The following IFT172 variants were observed in gnomAD, a reference collection of about 807,000 sequenced individuals.
IFT172 encodes intraflagellar transport 172, also known as intraflagellar transport protein 172 homolog.
A neutral mutation model predicts 248.9 loss-of-function variants in IFT172; 164 were observed. The observed-to-expected ratio is 0.66, with a 90% CI of 0.58 to 0.75. IFT172 has a LOEUF of 0.75. Among genes scored for constraint, IFT172 ranks in the 30% least tolerant of loss-of-function variants. The pLI is 0.00. For synonymous variants in IFT172, 729 were observed against 791.6 expected (o/e 0.92, Z 1.33); for missense variants, 1,950 against 2,192.4 (o/e 0.89, Z 2.21).
intron 35 of IFT172, among the ~76,000 whole-genome samples, chr2:27,452,345 C>T (rs1558361849): frequency 1.3e-5 from 2 of 152,142 alleles, no homozygotes; most frequent in Admixed American, 6.5e-5. Flanking sequence ...ACAAGAACTA[C>T]ACCATCAGTT....
rs1423472761 is a variant in IFT172, at chr2:27,445,855, T to C, written c.4816-12A>G. 1.2e-6 allele frequency: 2 copies of C among 1,613,862 alleles called. No homozygotes were observed. Among genetic ancestry groups the C allele is most frequent in the East Asian group, 2.2e-5 (1 of 44,868 alleles). On this transcript the variant is annotated splice_polypyrimidine_tract_variant and intron_variant, in intron 44 of 47. Transcript: ENST00000260570. The surrounding 1 kb of genome is among the most constrained non-coding windows in gnomAD (Gnocchi z 4.4). Reference sequence around the variant, plus strand: ...CCTTCCTCGATTGCCTGCAGTAGAGTGGGCAACCATGAACTAGGCACAGCT... The same window carrying C: ...CCTTCCTCGATTGCCTGCAGTAGAGCGGGCAACCATGAACTAGGCACAGCT...
intron 16 of IFT172, among the ~76,000 whole-genome samples, chr2:27,469,183 C>G (rs1422073733): frequency 2.0e-5 from 3 of 151,996 alleles, no homozygotes; most frequent in East Asian, 3.9e-4. Flanking sequence ...CACTTGAGGT[C>G]AAGAGTTCGA....
In IFT172 at chr2:27,461,696, A is replaced by C. The variant is rs1666685263; in HGVS notation, c.2193+63T>G. ...TGGTTTCTATGGCCTCCTTGACAAA[A>C]GGAGGTTTTTGAAATTGGCAGAACC... On this transcript the variant is annotated intron_variant, in intron 21 of 47. Transcript: ENST00000260570. The C allele has an allele frequency of 3.1e-6, 5 of 1,604,212 alleles. No individual in the cohort carries two copies. In the East Asian group the frequency reaches 6.7e-5, roughly 21 times the overall value.
Position 27,447,977 on chromosome 2 carries a change from C to CT in IFT172, c.4429-56_4429-55insA, listed in dbSNP as rs1313171738. The CT allele has an allele frequency of 2.6e-5, 29 of 1,122,090 alleles. No individual in the cohort carries two copies. In the East Asian group the frequency reaches 6.6e-4, roughly 25 times the overall value. The allele number at this position is 1,122,090 out of a possible 1,614,324, so 69.5% of individuals were successfully genotyped here. A position where few individuals can be genotyped will look rare whatever the true frequency, so the allele number is the denominator to read the frequency against. On this transcript the variant is annotated intron_variant, in intron 40 of 47. Transcript: ENST00000260570. ...GAAGGGCATAGCTAGAAGAGAAAGT[C>CT]ACTGGAAGTGGGGCCAAAGGGAGGA...
intron 43 of IFT172, 89 bp downstream of exon 43, chr2:27,446,171 A>G (rs1461692351): frequency 1.4e-6 from 2 of 1,399,656 alleles, no homozygotes; most frequent in East Asian, 2.3e-5. Context: ...CCCTACACTC[A>G]GCTTTCCTCT....
At position 27,477,614 on chromosome 2, in the gene IFT172, T is replaced by C; in HGVS notation, c.1168-2A>G. 1 of 1,603,094 alleles carries C rather than the reference T, an allele frequency of 6.2e-7. No individual in the cohort carries two copies. The highest frequency in any genetic ancestry group is 1.3e-5 in the African/African-American group (1 of 74,844). On this transcript the variant is annotated splice_acceptor_variant, in intron 11 of 47. Transcript: ENST00000260570. LOFTEE classifies it high-confidence loss of function. ...GCCACCAGATCCTTGCCAGGCTATC[T>C]GTAACGGGAGAAGACTTAAGAAGCA...
chr2:27,461,818 T>A lies in IFT172; in HGVS notation c.2134A>T (p.Met712Leu). 3 of 1,614,152 alleles carry A rather than the reference T, an allele frequency of 1.9e-6. No homozygotes were observed. The highest frequency in any genetic ancestry group is 2.5e-6 in the Non-Finnish European group (3 of 1,180,032). Reference protein sequence around the residue: ...FLEQNAVEEAMGMYQELHRWD... With the variant: ...FLEQNAVEEALGMYQELHRWD... ...CGGTGTAGCTCCTGGTACATGCCCA[T>A]GGCCTCCTCCACAGCATTCTAGGGG... The change falls in exon 21 of 48, where the codon ATG becomes TTG. Residue 712 changes from methionine to leucine, a missense_variant. By Grantham distance (15) the Met-to-Leu change is conservative. This residue lies in a region of IFT172 where 1,166 missense variants were observed against 1,254.1 expected (regional missense o/e 0.93). Coordinates refer to ENST00000260570, the MANE Select transcript of IFT172 (RefSeq NM_015662.3).
At chr2:27,455,927 A>G in intron 30 of IFT172, 1 of 274,578 alleles carries the variant, frequency 3.6e-6, no homozygotes, top group South Asian at 3.4e-5. Flanking sequence ...AAAAAAGAAA[A>G]GTTCGGCCAG....
In IFT172 at chr2:27,485,517, G is replaced by A. The variant is rs1482266440; in HGVS notation, c.40-14C>T. On this transcript the variant is annotated splice_polypyrimidine_tract_variant and intron_variant, in intron 1 of 47. Transcript: ENST00000260570. ...TGCAGCTCCATCCTGTAGAGGCAAA[G>A]GGGTAAAAACAAACCCATGTGCTGG... The A allele has an allele frequency of 3.1e-6, 5 of 1,613,878 alleles. No individual in the cohort carries two copies. Among genetic ancestry groups the A allele is most frequent in the African/African-American group, 1.3e-5 (1 of 75,022 alleles).
At chr2:27,459,282 G>A in intron 25 of IFT172, 96 bp downstream of exon 25, 1 of 1,455,860 alleles carries the variant, frequency 6.9e-7, no homozygotes, top group Admixed American at 2.1e-5. Flanking sequence ...CCAGAAAGAA[G>A]GATCTGGTGA....
Position 27,478,115 on chromosome 2 carries a change from G to A in IFT172, c.1047C>T (p.Leu349=), listed in dbSNP as rs771704362. The change falls in exon 11 of 48, where the codon CTC becomes CTT. Residue 349 remains leucine, a synonymous_variant. Coordinates refer to ENST00000260570, the MANE Select transcript of IFT172 (RefSeq NM_015662.3). ...CCACCTCATAGCCATAGTGTGACTT[G>A]AGCACCACTCGGGTTCCTGATGACA... ...KNLSSGTRVV[L]KSHYGYEVEE... 1.1e-5 allele frequency: 18 copies of A among 1,614,062 alleles called. No homozygotes were observed. In the South Asian group the frequency reaches 1.6e-4, roughly 15 times the overall value.
At chr2:27,459,235 T>C in intron 25 of IFT172, 143 bp downstream of exon 25, 1 of 1,040,354 alleles carries the variant, frequency 9.6e-7, no homozygotes. Flanking sequence ...AAGTAAACTG[T>C]TCTCTTCCCC....
chr2:27,483,207 G>C (rs1186739984), intron 7 of IFT172, 82 bp downstream of exon 7: 2 of 813,866 alleles, frequency 2.5e-6, no homozygotes, highest in African/African-American at 3.4e-5. Context: ...GGTAGAGACA[G>C]GGTTTCACTG....
At chr2:27,485,664 G>C (rs1558418916) in intron 1 of IFT172, among the ~76,000 whole-genome samples, 161 bp from the exon 2 acceptor site, 1 of 152,156 alleles carries the variant, frequency 6.6e-6, no homozygotes, top group Non-Finnish European at 1.5e-5. Context: ...GGTCTCCAAG[G>C]CCTTCAGATC....
At chr2:27,464,979 T>TG (rs2148514403) in intron 18 of IFT172, among the ~76,000 whole-genome samples, 2 of 150,436 alleles carry the variant, frequency 1.3e-5, no homozygotes, top group South Asian at 4.2e-4. Context: ...TGGAGTACAG[T>TG]GGTGCAATCT....
At position 27,467,418 on chromosome 2, in the gene IFT172, G is replaced by GAAA. The variant is rs34115935; in HGVS notation, c.1693-1539_1693-1537dup. 5.9e-3 allele frequency among the ~76,000 whole-genome samples: 97 copies of GAAA among 16,422 alleles called. 1 individual carries two copies. The highest frequency in any genetic ancestry group is 9.5e-3 in the East Asian group (4 of 420). The allele number at this position is 16,422 out of a possible 152,430, so 10.8% of individuals were successfully genotyped here. On this transcript the variant is annotated intron_variant, in intron 16 of 47. Coordinates refer to ENST00000260570, the MANE Select transcript of IFT172 (RefSeq NM_015662.3). The stretch of plus-strand genomic sequence containing the variant: ...TGAGAACTTGTCTTTACAGAAAATT[G>GAAA]AAAAAAAAAAAAAAAAAAAAAAAAA...
Position 27,454,258 on chromosome 2 carries a change from A to G in IFT172, c.3530+96T>C, listed in dbSNP as rs1665971639. ...CATGTCACTGAGGGGTGTAACACTG[A>G]TTTGTTCTAGGTTTGAATGAAGGTC... is the stretch of plus-strand genomic sequence containing the variant. On this transcript the variant is annotated intron_variant, in intron 32 of 47. Coordinates refer to ENST00000260570, the MANE Select transcript of IFT172 (RefSeq NM_015662.3). This position sits in a 1 kb window ranked among gnomAD's most constrained non-coding sequence, Gnocchi z 4.2. 1.2e-6 allele frequency: 2 copies of G among 1,603,368 alleles called. No homozygotes were observed. The highest frequency in any genetic ancestry group is 1.7e-5 in the Admixed American group (1 of 59,936).
intron 9 of IFT172, 35 bp downstream of exon 9, chr2:27,479,991 G>C: frequency 1.3e-6 from 2 of 1,598,180 alleles, no homozygotes; most frequent in Non-Finnish European, 1.7e-6. Context: ...TTTGGTGAAA[G>C]TCACCAATCC....
chr2:27,472,875 T>C (rs1667675207), intron 14 of IFT172, among the ~76,000 whole-genome samples: 1 of 152,150 alleles, frequency 6.6e-6, no homozygotes, highest in Admixed American at 6.5e-5. Flanking sequence ...AACTATCACA[T>C]TTAGAGCAGA....
Sources: allele counts gnomAD v4.1 joint callset (sites outside exome capture counted in the v4.1 genomes callset), GRCh38; gene constraint gnomAD v4.1.1; regional missense constraint gnomAD v4.1.1; non-coding constraint Gnocchi (gnomAD v3.1); transcripts MANE v1.5; gene names NCBI Gene and HGNC (gene_info 2026-07-23, HGNC 2026-07-21).